Variants in GPC6 observed in about 807,000 individuals in gnomAD.
GPC6 encodes the protein glypican 6.
GPC6 carries 14 observed loss-of-function variants against 55.2 expected under a neutral mutation model. The ratio of observed to expected loss-of-function variants is 0.25; its 90% CI spans 0.17 to 0.40. GPC6 has a LOEUF of 0.40. GPC6 is among the 10% of genes least tolerant of loss of function. The pLI, the probability that GPC6 is intolerant of heterozygous loss-of-function variation, is 1.00. For missense variants in GPC6, 641 were observed against 708.5 expected (o/e 0.90, Z 1.08); for synonymous variants, 278 against 259.6 (o/e 1.07, Z -0.68).
At chr13:93,396,347 G>T (rs1165283370) in intron 1 of GPC6, among the ~76,000 whole-genome samples, 1 of 152,184 alleles carries the variant, frequency 6.6e-6, no homozygotes, top group East Asian at 1.9e-4. Context: ...GGCGGATCAT[G>T]AGGTTAGGAG....
At chr13:93,567,121 A>G (rs964366547) in intron 2 of GPC6, among the ~76,000 whole-genome samples, 1 of 152,130 alleles carries the variant, frequency 6.6e-6, no homozygotes, top group Non-Finnish European at 1.5e-5. Flanking sequence ...CTAGTTCTAG[A>G]TCCTTGAGGA....
chr13:93,388,956 T>C (rs1274802234), intron 1 of GPC6, among the ~76,000 whole-genome samples: 2 of 152,142 alleles, frequency 1.3e-5, no homozygotes, highest in Non-Finnish European at 2.9e-5. Context: ...CCTCATTTCT[T>C]TCCCCTTCCT....
chr13:93,220,364 C>G, the GPC6 span, among the ~76,000 whole-genome samples: 1 of 152,194 alleles, frequency 6.6e-6, no homozygotes, highest in African/African-American at 2.4e-5. Flanking sequence ...TGGCAAGAAG[C>G]ATGGTTTTAA....
At chr13:93,681,092 G>T (rs897884467) in intron 2 of GPC6, among the ~76,000 whole-genome samples, 9 of 152,134 alleles carry the variant, frequency 5.9e-5, no homozygotes, top group Admixed American at 5.9e-4. Context: ...TGGTAACTTT[G>T]CTTCCATGAC....
intron 2 of GPC6, among the ~76,000 whole-genome samples, chr13:93,675,931 T>C (rs1881568517): frequency 6.6e-6 from 1 of 151,592 alleles, no homozygotes; most frequent in African/African-American, 2.4e-5. Flanking sequence ...TTTCAGAAGA[T>C]ACCAAAGCAG....
chr13:93,298,164 A>C (rs1878557796), intron 1 of GPC6, among the ~76,000 whole-genome samples: 1 of 152,250 alleles, frequency 6.6e-6, no homozygotes, highest in African/African-American at 2.4e-5. Flanking sequence ...GCCTATGCAT[A>C]GAATGATCTC....
chr13:93,553,426 CTTACGCCTG>C (rs1875270307), intron 2 of GPC6, among the ~76,000 whole-genome samples: 1 of 151,830 alleles, frequency 6.6e-6, no homozygotes, highest in Non-Finnish European at 1.5e-5. Context: ...GGCGCAGTGG[CTTACGCCTG>C]TAATCCCAGC....
chr13:93,818,337 C>T (rs1482652593), intron 2 of GPC6: 1 of 151,842 alleles, frequency 6.6e-6, no homozygotes, highest in Non-Finnish European at 1.5e-5. Flanking sequence ...AAGATATAAC[C>T]TAAAAACTTA....
At chr13:94,366,753 C>G (rs1476046344) in intron 6 of GPC6, among the ~76,000 whole-genome samples, 5 of 152,146 alleles carry the variant, frequency 3.3e-5, no homozygotes, top group African/African-American at 1.2e-4. Flanking sequence ...CGAAGTTAGC[C>G]ACCAAGGAGA....
intron 2 of GPC6, among the ~76,000 whole-genome samples, chr13:93,569,552 A>G (rs1876297306): frequency 6.6e-6 from 1 of 151,278 alleles, no homozygotes; most frequent in South Asian, 2.1e-4. Context: ...AGAGTAGGCA[A>G]CCACCAGGAG....
chr13:93,673,715 A>G (rs985319282), intron 2 of GPC6, among the ~76,000 whole-genome samples: 1 of 152,334 alleles, frequency 6.6e-6, no homozygotes, highest in Non-Finnish European at 1.5e-5. Context: ...TGGTCATAGT[A>G]GAAAAAATGT....
chr13:94,318,455 A>G (rs1047822585), intron 6 of GPC6, among the ~76,000 whole-genome samples: 1 of 152,214 alleles, frequency 6.6e-6, no homozygotes, highest in African/African-American at 2.4e-5. Flanking sequence ...AAAATAGGAC[A>G]GTTATAACAC....
chr13:94,297,425 C>G (rs144232201), intron 5 of GPC6, among the ~76,000 whole-genome samples: 1 of 152,160 alleles, frequency 6.6e-6, no homozygotes, highest in South Asian at 2.1e-4. Flanking sequence ...ATCATGTAGT[C>G]AGGCCAAGAG....
At chr13:93,429,081 C>T (rs1014433448) in intron 1 of GPC6, among the ~76,000 whole-genome samples, 4 of 152,046 alleles carry the variant, frequency 2.6e-5, no homozygotes, top group Non-Finnish European at 5.9e-5. Flanking sequence ...GAATTGATTG[C>T]ATTCTCAGGT....
At chr13:94,110,955 G>C (rs1454960019) in intron 4 of GPC6, among the ~76,000 whole-genome samples, 1 of 152,222 alleles carries the variant, frequency 6.6e-6, no homozygotes, top group East Asian at 1.9e-4. Context: ...CTCTGGAGCA[G>C]TTGTACAAAT....
At chr13:93,312,021 G>A (rs1879085515) in intron 1 of GPC6, among the ~76,000 whole-genome samples, 1 of 152,240 alleles carries the variant, frequency 6.6e-6, no homozygotes, top group East Asian at 1.9e-4. Flanking sequence ...AGTTATGTGA[G>A]TAATAAACAA....
In GPC6 at chr13:94,336,534, G is replaced by A. The variant is rs150204810; in HGVS notation, c.1152+30411G>A. ...AAAATGCAGAGTCTCACTGGATTGC[G>A]CTGTAAAATATCTGCACGTCGGTAG... On this transcript the variant is annotated intron_variant, in intron 6 of 8. Transcript: ENST00000377047. 2.9e-3 allele frequency among the ~76,000 whole-genome samples: 436 copies of A among 152,230 alleles called. 2 individuals carry two copies. The highest frequency in any genetic ancestry group is 9.8e-3 in the African/African-American group (406 of 41,534).
At chr13:94,326,884 C>A (rs1877148659) in intron 6 of GPC6, among the ~76,000 whole-genome samples, 2 of 152,196 alleles carry the variant, frequency 1.3e-5, no homozygotes, top group Non-Finnish European at 2.9e-5. Context: ...AAAATTAAGT[C>A]AGAGTAACTT....
chr13:93,749,654 A>T (rs1457901340), intron 2 of GPC6, among the ~76,000 whole-genome samples: 25 of 152,104 alleles, frequency 1.6e-4, no homozygotes, highest in Admixed American at 1.6e-3. Flanking sequence ...TTTGCATAAT[A>T]TGTAAAGGTT....
Sources: gnomAD v4.1 joint callset for allele counts (sites outside exome capture counted in the v4.1 genomes callset) on GRCh38, gnomAD v4.1.1 for gene constraint, MANE v1.5 for transcripts, NCBI Gene and HGNC (gene_info 2026-07-23, HGNC 2026-07-21) for gene names.